SULF1: variants seen among roughly 807,000 people sequenced by gnomAD.
The protein encoded by SULF1 is sulfatase 1.
Under a neutral mutation model 110.5 loss-of-function variants are expected in SULF1, and 46 were observed. The observed-to-expected ratio is 0.42, with a 90% CI of 0.33 to 0.53. The LOEUF is 0.53. Ranked by LOEUF, SULF1 falls within the 20% of genes least tolerant of loss-of-function variation. The pLI is 0.12. For missense variants in SULF1, 941 were observed against 1,094.2 expected (o/e 0.86, Z 1.98); for synonymous variants, 371 against 387.1 (o/e 0.96, Z 0.49).
chr8:69,600,634 G>T lies in SULF1; in HGVS notation c.766G>T (p.Asp256Tyr). The T allele has an allele frequency of 6.2e-7, 1 of 1,613,214 alleles. No homozygotes were observed. Among genetic ancestry groups the T allele is most frequent in the Non-Finnish European group, 8.5e-7 (1 of 1,179,450 alleles). ...TPSYNYAPNM[D>Y]KHWIMQYTGP... ...TAGTTATAACTATGCACCAAATATG[G>T]ATAAACACTGGATTATGCAGTACAC... The change falls in exon 9 of 23, where the codon GAT becomes TAT. Residue 256 changes from aspartate (D) to tyrosine (Y), a missense_variant. Coordinates refer to ENST00000402687, the MANE Select transcript of SULF1 (RefSeq NM_001128205.2).
At chr8:69,581,827 G>A (rs912429172) in intron 6 of SULF1, among the ~76,000 whole-genome samples, 1 of 152,096 alleles carries the variant, frequency 6.6e-6, no homozygotes, top group Non-Finnish European at 1.5e-5. Flanking sequence ...ATGTCATGAG[G>A]CAACAAAAAG....
intron 1 of SULF1, among the ~76,000 whole-genome samples, chr8:69,473,709 A>G (rs987131765): frequency 6.6e-6 from 1 of 152,204 alleles, no homozygotes; most frequent in African/African-American, 2.4e-5. Context: ...TGTAGATTTC[A>G]TCTACTGTCA....
chr8:69,641,102 A>G (rs1255625737), intron 22 of SULF1: 1 of 363,056 alleles, frequency 2.8e-6, no homozygotes, highest in African/African-American at 2.1e-5. Flanking sequence ...TGATGCTTTT[A>G]AGCATGGAAT....
chr8:69,501,632 T>C (rs1428336526), intron 2 of SULF1, among the ~76,000 whole-genome samples: 1 of 152,246 alleles, frequency 6.6e-6, no homozygotes, highest in African/African-American at 2.4e-5. Context: ...ATGAATCTAA[T>C]GGAAAGTCTT....
At chr8:69,567,965 T>G (rs1816017850) in intron 5 of SULF1, among the ~76,000 whole-genome samples, 1 of 152,216 alleles carries the variant, frequency 6.6e-6, no homozygotes, top group South Asian at 2.1e-4. Context: ...TGAGCACAAG[T>G]GTCATAATTT....
chr8:69,493,624 T>C (rs760627042), intron 1 of SULF1, among the ~76,000 whole-genome samples: 1 of 152,220 alleles, frequency 6.6e-6, no homozygotes, highest in Non-Finnish European at 1.5e-5. Flanking sequence ...AAGTTTCTTT[T>C]CACACTACGA....
chr8:69,649,347 G>C (rs1030095394), intron 22 of SULF1, among the ~76,000 whole-genome samples: 7 of 151,820 alleles, frequency 4.6e-5, no homozygotes, highest in Admixed American at 4.6e-4. Context: ...ATATATAAAT[G>C]CTTTAGGAGG....
At chr8:69,504,104 C>T (rs578256626) in intron 3 of SULF1, among the ~76,000 whole-genome samples, 130 of 152,252 alleles carry the variant, frequency 8.5e-4, no homozygotes, top group African/African-American at 2.9e-3. Context: ...ATGAAAAGGC[C>T]ACTTTTCTAC....
At chr8:69,531,571 C>A (rs964652070) in intron 3 of SULF1, among the ~76,000 whole-genome samples, 3 of 152,116 alleles carry the variant, frequency 2.0e-5, no homozygotes, top group Admixed American at 6.5e-5. Flanking sequence ...TGTGCTTCTG[C>A]AAAAAGTCTT....
intron 1 of SULF1, among the ~76,000 whole-genome samples, chr8:69,484,336 C>T (rs190125065): frequency 6.6e-6 from 1 of 152,284 alleles, no homozygotes; most frequent in East Asian, 1.9e-4. Context: ...TCAACAGCAG[C>T]TCCTGGCACA....
intron 3 of SULF1, among the ~76,000 whole-genome samples, chr8:69,507,086 C>A (rs1320268769): frequency 6.6e-6 from 1 of 152,180 alleles, no homozygotes; most frequent in Admixed American, 6.5e-5. Context: ...CACACTGGAC[C>A]ATCATTTGTT....
At chr8:69,503,799 T>G (rs1023139304) in intron 3 of SULF1, among the ~76,000 whole-genome samples, 1 of 142,652 alleles carries the variant, frequency 7.0e-6, no homozygotes, top group Admixed American at 6.8e-5. Context: ...CTTTCTTTCC[T>G]TTTTTTTTTC....
chr8:69,551,753 A>G (rs925918644), intron 3 of SULF1, among the ~76,000 whole-genome samples: 1 of 152,180 alleles, frequency 6.6e-6, no homozygotes, highest in African/African-American at 2.4e-5. Flanking sequence ...GCTGTACTCT[A>G]GACCAGTACT....
chr8:69,552,428 C>T (rs1301734686), intron 3 of SULF1, among the ~76,000 whole-genome samples: 5 of 152,168 alleles, frequency 3.3e-5, no homozygotes, highest in Non-Finnish European at 7.4e-5. Flanking sequence ...TCTTTCTTGC[C>T]TGGCTTTATT....
intron 3 of SULF1, among the ~76,000 whole-genome samples, chr8:69,551,861 G>A (rs1042802009): frequency 2.0e-5 from 3 of 152,160 alleles, no homozygotes; most frequent in African/African-American, 7.2e-5. Flanking sequence ...AGAGGCCAAG[G>A]CGGGTGGATC....
intron 8 of SULF1, among the ~76,000 whole-genome samples, chr8:69,600,103 A>G (rs1415869454): frequency 6.6e-6 from 1 of 152,254 alleles, no homozygotes; most frequent in Non-Finnish European, 1.5e-5. Context: ...CTAGATATGT[A>G]AGTAATCAAT....
upstream of SULF1, among the ~76,000 whole-genome samples, chr8:69,492,082 A>T (rs1809969141): frequency 6.6e-6 from 1 of 152,098 alleles, no homozygotes; most frequent in Non-Finnish European, 1.5e-5. Flanking sequence ...GTGGGAAATT[A>T]GTGTGGAGAC....
At chr8:69,473,514 C>A (rs995739968) in intron 1 of SULF1, among the ~76,000 whole-genome samples, 2 of 152,180 alleles carry the variant, frequency 1.3e-5, no homozygotes, top group Non-Finnish European at 2.9e-5. Flanking sequence ...TGGCAAGAGT[C>A]CACATGGCTC....
intron 22 of SULF1, among the ~76,000 whole-genome samples, chr8:69,656,058 T>G: frequency 6.6e-6 from 1 of 152,228 alleles, no homozygotes; most frequent in East Asian, 1.9e-4. Context: ...TGCATTCTTG[T>G]GTGTTTCAAA....
Sources: allele counts gnomAD v4.1 joint callset (sites outside exome capture counted in the v4.1 genomes callset), GRCh38; gene constraint gnomAD v4.1.1; transcripts MANE v1.5; gene names NCBI Gene and HGNC (gene_info 2026-07-23, HGNC 2026-07-21).